Variants in ERICH6B observed in about 807,000 individuals in gnomAD.
ERICH6B encodes the protein glutamate rich 6B.
Under a neutral mutation model 80.0 loss-of-function variants are expected in ERICH6B, and 69 were observed. That is an observed-to-expected ratio of 0.86 (90% CI 0.71 to 1.05). ERICH6B has a LOEUF of 1.05. ERICH6B is among the 50% of genes least tolerant of loss of function. The pLI is 0.00. For missense variants in ERICH6B, 754 were observed against 796.1 expected (o/e 0.95, Z 0.64); for synonymous variants, 283 against 291.9 (o/e 0.97, Z 0.31).
Position 45,549,991 on chromosome 13 carries a change from G to A in ERICH6B, c.1548C>T (p.Phe516=). The part of the protein sequence containing the change: ...MLILYAKMKK[F]TYIILEDSLE... ...GACTGTCTTCCAGAATGATGTATGTGAACTTTTTCATTTTCGCATATAAGA... is the reference window on the plus strand; with the variant it reads ...GACTGTCTTCCAGAATGATGTATGTAAACTTTTTCATTTTCGCATATAAGA... Residue 516 remains phenylalanine (F), a synonymous_variant, in exon 13 of 15, where the codon TTC becomes TTT. Transcript: ENST00000298738. 1 of 1,551,834 alleles carries A rather than the reference G, an allele frequency of 6.4e-7. No homozygotes were observed. The highest frequency in any genetic ancestry group is 8.7e-7 in the Non-Finnish European group (1 of 1,147,050).
chr13:45,542,872 A>G (rs1320120741), intron 14 of ERICH6B, among the ~76,000 whole-genome samples: 1 of 152,220 alleles, frequency 6.6e-6, no homozygotes, highest in Non-Finnish European at 1.5e-5. Flanking sequence ...TTAGCAGTGA[A>G]AGTCCCATGT....
At chr13:45,577,125 C>G (rs977361576) in intron 7 of ERICH6B, among the ~76,000 whole-genome samples, 2 of 151,968 alleles carry the variant, frequency 1.3e-5, no homozygotes, top group African/African-American at 2.4e-5. Context: ...TGTTGCATGT[C>G]CCCCTTGCAC....
intron 13 of ERICH6B, among the ~76,000 whole-genome samples, chr13:45,549,505 G>A (rs1329536619): frequency 6.6e-6 from 1 of 152,172 alleles, no homozygotes; most frequent in Non-Finnish European, 1.5e-5. Context: ...GTCACGTTTT[G>A]GACCATGGAC....
chr13:45,586,053 A>G (rs1321138264), intron 5 of ERICH6B, among the ~76,000 whole-genome samples: 2 of 151,594 alleles, frequency 1.3e-5, no homozygotes, highest in African/African-American at 4.9e-5. Context: ...ATTTAGATAA[A>G]TGCTCAGATT....
At chr13:45,544,394 A>AT (rs968496975) in intron 14 of ERICH6B, among the ~76,000 whole-genome samples, 161 of 151,950 alleles carry the variant, frequency 1.1e-3, no homozygotes, top group African/African-American at 2.7e-3. Flanking sequence ...TTAATTTTAA[A>AT]TTTTTTTTGT....
intron 8 of ERICH6B, among the ~76,000 whole-genome samples, chr13:45,571,620 GCCA>G: frequency 6.6e-6 from 1 of 152,264 alleles, no homozygotes; most frequent in Non-Finnish European, 1.5e-5. Context: ...CTGCTTCCCT[GCCA>G]CCCAAATTCA....
At chr13:45,545,330 A>G (rs1014500328) in intron 13 of ERICH6B, among the ~76,000 whole-genome samples, 100 of 152,206 alleles carry the variant, frequency 6.6e-4, no homozygotes, top group African/African-American at 2.1e-3. Context: ...CTCAGCTTAG[A>G]CGTCACCTCC....
intron 13 of ERICH6B, 82 bp from the exon 14 acceptor site, chr13:45,545,067 T>C: frequency 3.4e-6 from 4 of 1,181,560 alleles, no homozygotes; most frequent in South Asian, 1.5e-5. Flanking sequence ...CCCTTTCTTT[T>C]CCCCTACTTG....
Position 45,580,453 on chromosome 13 carries a change from T to C in ERICH6B, c.919+150A>G, listed in dbSNP as rs376864405. ...ACATTAAATTCCAGAAATAATGCCTTGGCCATTGGCCTCCATTAAGCCTGC... is the reference window on the plus strand; with the variant it reads ...ACATTAAATTCCAGAAATAATGCCTCGGCCATTGGCCTCCATTAAGCCTGC... On this transcript the variant is annotated intron_variant, in intron 6 of 14. Transcript: ENST00000298738. 158 of 700,610 alleles carry C rather than the reference T, an allele frequency of 2.3e-4. 1 individual carries two copies. In the East Asian group the frequency reaches 2.7e-3, roughly 12 times the overall value. 43.4% of individuals were successfully genotyped at this position (700,610 alleles called of 1,614,324 possible). A position where few individuals can be genotyped will look rare whatever the true frequency, so the allele number is the denominator to read the frequency against.
At chr13:45,576,362 AC>A (rs1225774414) in intron 7 of ERICH6B, among the ~76,000 whole-genome samples, 1 of 152,242 alleles carries the variant, frequency 6.6e-6, no homozygotes, top group Non-Finnish European at 1.5e-5. Flanking sequence ...CCACTGGGGT[AC>A]CCACAACAGG....
intron 8 of ERICH6B, among the ~76,000 whole-genome samples, chr13:45,569,136 T>A (rs1875046764): frequency 1.3e-5 from 2 of 152,198 alleles, no homozygotes; most frequent in African/African-American, 4.8e-5. Flanking sequence ...AGGTGCCTTT[T>A]TTTTTTTAAG....
intron 7 of ERICH6B, among the ~76,000 whole-genome samples, chr13:45,578,954 G>A (rs1875539577): frequency 6.6e-6 from 1 of 152,214 alleles, no homozygotes. Context: ...GGAGGCTGAG[G>A]TGGAAGAATC....
chr13:45,579,420 T>C (rs1310487407), intron 7 of ERICH6B, among the ~76,000 whole-genome samples: 1 of 152,234 alleles, frequency 6.6e-6, no homozygotes, highest in Admixed American at 6.5e-5. Context: ...GCTTTTGTTT[T>C]GTGGAGTGGT....
intron 1 of ERICH6B, among the ~76,000 whole-genome samples, chr13:45,612,914 T>G (rs1949907914): frequency 6.6e-6 from 1 of 152,148 alleles, no homozygotes; most frequent in Admixed American, 6.5e-5. Flanking sequence ...TGCTCAGGGA[T>G]TTCTTCCAAG....
intron 10 of ERICH6B, 176 bp downstream of exon 10, chr13:45,563,551 G>A: frequency 1.5e-6 from 1 of 659,286 alleles, no homozygotes; most frequent in South Asian, 1.8e-5. Flanking sequence ...GCCCTAGACT[G>A]TGCCTGCCAT....
chr13:45,550,281 G>T lies in ERICH6B; in HGVS notation c.1443C>A (p.Pro481=), dbSNP rs771584880. Residue 481 remains proline (P), a synonymous_variant, in exon 12 of 15, where the codon CCC becomes CCA. Coordinates refer to ENST00000298738, the MANE Select transcript of ERICH6B (RefSeq NM_182542.3). ...HQGDGKLILY[P]NKNVYQILFP... ...AGAGAATTTGATAGACATTCTTGTT[G>T]GGGTAGAGAATTAATTTTCCATCAC... 4.5e-6 allele frequency: 7 copies of T among 1,551,584 alleles called. No individual in the cohort carries two copies. The South Asian group carries it at 7.1e-5, about 16-fold the overall frequency.
intron 1 of ERICH6B, among the ~76,000 whole-genome samples, chr13:45,614,502 GT>G (rs749501405): frequency 1.3e-5 from 2 of 152,178 alleles, no homozygotes; most frequent in Non-Finnish European, 2.9e-5. Flanking sequence ...GAAATTTCTG[GT>G]TTGGACTTTT....
At chr13:45,584,300 C>G (rs140820805) in intron 5 of ERICH6B, among the ~76,000 whole-genome samples, 5 of 152,160 alleles carry the variant, frequency 3.3e-5, no homozygotes, top group African/African-American at 1.2e-4. Flanking sequence ...GATCACAAGG[C>G]ATTTCCTGTG....
chr13:45,552,039 T>C (rs574285524), intron 11 of ERICH6B, among the ~76,000 whole-genome samples: 2 of 152,340 alleles, frequency 1.3e-5, no homozygotes, highest in South Asian at 2.1e-4. Flanking sequence ...AGTGTAGTTA[T>C]TTGCCTTTCA....
Sources: allele counts gnomAD v4.1 joint callset (sites outside exome capture counted in the v4.1 genomes callset), GRCh38; gene constraint gnomAD v4.1.1; transcripts MANE v1.5; gene names NCBI Gene and HGNC (gene_info 2026-07-23, HGNC 2026-07-21).